MND1: variants seen among roughly 807,000 people sequenced by gnomAD.
MND1 encodes the protein meiotic nuclear divisions 1.
In MND1, 28 loss-of-function variants were observed where a neutral mutation model predicts 35.1. That is an observed-to-expected ratio of 0.80 (90% CI 0.59 to 1.09). MND1 has a LOEUF of 1.09. Ranked by LOEUF, MND1 falls within the 50% of genes least tolerant of loss-of-function variation. The pLI is 0.00. For missense variants in MND1, 213 were observed against 239.6 expected, an observed-to-expected ratio of 0.89 and a Z score of 0.73; for synonymous variants, 69 against 70.5, an observed-to-expected ratio of 0.98 and a Z score of 0.11.
At chr4:153,345,834 C>G (rs1233713664) in intron 1 of MND1, among the ~76,000 whole-genome samples, 1 of 152,230 alleles carries the variant, frequency 6.6e-6, no homozygotes, top group African/African-American at 2.4e-5. Context: ...CCAAACAGGA[C>G]TACAGTTAAA....
intron 2 of MND1, among the ~76,000 whole-genome samples, chr4:153,350,814 G>A (rs1479093372): frequency 6.6e-6 from 1 of 152,030 alleles, no homozygotes; most frequent in Non-Finnish European, 1.5e-5. Context: ...ATATGGCTTG[G>A]CAGGACCTAC....
At chr4:153,389,921 T>G (rs1318811986) in intron 4 of MND1, among the ~76,000 whole-genome samples, 1 of 152,152 alleles carries the variant, frequency 6.6e-6, no homozygotes, top group Non-Finnish European at 1.5e-5. Context: ...ACTAGCAGCA[T>G]CACCTGGGAA....
At chr4:153,397,635 G>A (rs1729234288) in intron 6 of MND1, among the ~76,000 whole-genome samples, 1 of 150,050 alleles carries the variant, frequency 6.7e-6, no homozygotes, top group Non-Finnish European at 1.5e-5. Context: ...TGGCCAACAT[G>A]GTGAAATCCC....
intron 4 of MND1, among the ~76,000 whole-genome samples, chr4:153,393,429 GGGGTTATCACAGT>G (rs1468660397): frequency 1.4e-5 from 2 of 147,108 alleles, no homozygotes; most frequent in African/African-American, 5.1e-5. Flanking sequence ...GGAGTGCAAT[GGGGTTATCACAGT>G]TCACTGCAGC....
intron 4 of MND1, among the ~76,000 whole-genome samples, chr4:153,389,383 T>A (rs1368742723): frequency 6.6e-6 from 1 of 152,194 alleles, no homozygotes; most frequent in Non-Finnish European, 1.5e-5. Context: ...ATATTTTAGA[T>A]GAAGTCTTGC....
intron 6 of MND1, among the ~76,000 whole-genome samples, chr4:153,402,245 C>T (rs1483713789): frequency 6.6e-6 from 1 of 152,130 alleles, no homozygotes; most frequent in South Asian, 2.1e-4. Context: ...GCTATTCTGA[C>T]CATTATTCAA....
intron 4 of MND1, among the ~76,000 whole-genome samples, chr4:153,388,319 G>C (rs1728923900): frequency 6.6e-6 from 1 of 152,068 alleles, no homozygotes; most frequent in East Asian, 1.9e-4. Context: ...GTGAGACCTT[G>C]TCTCTACAAT....
chr4:153,406,062 A>T (rs536850164), intron 6 of MND1, among the ~76,000 whole-genome samples: 1 of 152,122 alleles, frequency 6.6e-6, no homozygotes, highest in Admixed American at 6.5e-5. Flanking sequence ...GGCCTCCCAA[A>T]GTGCTGGGAT....
chr4:153,390,919 A>ATG (rs149830333), intron 4 of MND1, among the ~76,000 whole-genome samples: 2,487 of 124,718 alleles, frequency 0.02, 56 homozygotes, highest in Admixed American at 0.072. Flanking sequence ...GTGTGTGTAT[A>ATG]TGTGTGTGTG....
At chr4:153,367,655 A>G (rs1457090560) in intron 4 of MND1, among the ~76,000 whole-genome samples, 3 of 152,184 alleles carry the variant, frequency 2.0e-5, no homozygotes, top group Non-Finnish European at 2.9e-5. Context: ...ACTTTGATGT[A>G]CAAGTTTTTG....
intron 1 of MND1, among the ~76,000 whole-genome samples, chr4:153,346,294 A>G (rs767784651): frequency 2.6e-5 from 4 of 152,196 alleles, no homozygotes; most frequent in Admixed American, 6.5e-5. Context: ...ATCGTAATTG[A>G]TTAGTAGGGC....
intron 2 of MND1, among the ~76,000 whole-genome samples, 179 bp downstream of exon 2, chr4:153,350,308 C>G (rs1324966685): frequency 6.6e-6 from 1 of 152,064 alleles, no homozygotes; most frequent in Non-Finnish European, 1.5e-5. Flanking sequence ...AAACCATATC[C>G]CACTGTTGGT....
At chr4:153,393,736 G>A (rs1209621314) in intron 4 of MND1, among the ~76,000 whole-genome samples, 1 of 151,672 alleles carries the variant, frequency 6.6e-6, no homozygotes, top group Non-Finnish European at 1.5e-5. Flanking sequence ...TAGGAGTGGG[G>A]AACCTAATAA....
chr4:153,392,128 G>T (rs1729063590), intron 4 of MND1, among the ~76,000 whole-genome samples: 1 of 151,258 alleles, frequency 6.6e-6, no homozygotes, highest in African/African-American at 2.4e-5. Context: ...TTGAGATGGA[G>T]TCTTGCTCTG....
At chr4:153,357,394 C>A (rs1773373541) in intron 3 of MND1, among the ~76,000 whole-genome samples, 1 of 152,106 alleles carries the variant, frequency 6.6e-6, no homozygotes, top group South Asian at 2.1e-4. Context: ...GATACCAATC[C>A]CCCACACAAT....
Position 153,378,757 on chromosome 4 carries a change from C to A in MND1, c.277-15505C>A, listed in dbSNP as rs548385646. Among the ~76,000 whole-genome samples, 3 of 152,286 alleles carry A rather than the reference C, an allele frequency of 2.0e-5. No homozygotes were observed. In the South Asian group the frequency reaches 6.2e-4, roughly 32 times the overall value. ...AACATGTGCAAAGTGCTGTTGATAA[C>A]AACTGGTGTTTTTTGACTCCTTTGC... On this transcript the variant is annotated intron_variant, in intron 4 of 7. Transcript: ENST00000240488.
intron 4 of MND1, among the ~76,000 whole-genome samples, chr4:153,373,763 G>A (rs1353013990): frequency 1.3e-5 from 2 of 152,164 alleles, no homozygotes; most frequent in Non-Finnish European, 2.9e-5. Flanking sequence ...GCAAGGTTTT[G>A]ATACGTCATT....
chr4:153,392,793 C>A (rs1181427003), intron 4 of MND1, among the ~76,000 whole-genome samples: 1 of 152,114 alleles, frequency 6.6e-6, no homozygotes, highest in Non-Finnish European at 1.5e-5. Flanking sequence ...ACTTTCTAAG[C>A]TGAGTAAAAA....
chr4:153,406,338 A>G (rs1300179482), intron 6 of MND1, among the ~76,000 whole-genome samples: 1 of 152,136 alleles, frequency 6.6e-6, no homozygotes, highest in African/African-American at 2.4e-5. Context: ...CCTGGCCAAC[A>G]TGGTGAAACC....
Sources: gnomAD v4.1 joint callset for allele counts (sites outside exome capture counted in the v4.1 genomes callset) on GRCh38, gnomAD v4.1.1 for gene constraint, MANE v1.5 for transcripts, NCBI Gene and HGNC (gene_info 2026-07-23, HGNC 2026-07-21) for gene names.